The following KLHL29 variants were observed in gnomAD, a reference collection of about 807,000 sequenced individuals.
The protein encoded by KLHL29 is kelch like family member 29.
KLHL29 carries 21 observed loss-of-function variants against 80.4 expected under a neutral mutation model. The observed-to-expected ratio is 0.26, with a 90% confidence interval of 0.19 to 0.38. The LOEUF (loss-of-function observed/expected upper bound fraction) is 0.38, where lower values mean the gene tolerates loss of function less well. Ranked by LOEUF, KLHL29 falls within the 10% of genes least tolerant of loss-of-function variation. KLHL29 has a pLI of 1.00. For missense variants in KLHL29, 867 were observed against 1,223.9 expected (o/e 0.71, Z 4.35); for synonymous variants, 511 against 526.8 (o/e 0.97, Z 0.41).
chr2:23,489,539 C>T (rs1270601614), intron 2 of KLHL29, among the ~76,000 whole-genome samples: 1 of 152,136 alleles, frequency 6.6e-6, no homozygotes, highest in Non-Finnish European at 1.5e-5. Flanking sequence ...TGCGTACCTC[C>T]TGCCACGCTG....
chr2:23,393,651 T>G (rs995566762), intron 1 of KLHL29, among the ~76,000 whole-genome samples: 1 of 152,192 alleles, frequency 6.6e-6, no homozygotes, highest in Non-Finnish European at 1.5e-5. Flanking sequence ...TTATATTAGT[T>G]TTTTCTCGAG....
intron 5 of KLHL29, chr2:23,672,255 C>G (rs1033442392): frequency 1.3e-5 from 2 of 152,392 alleles, no homozygotes; most frequent in African/African-American, 2.4e-5. Flanking sequence ...TGGCCCAGAT[C>G]CCCCCATCTT....
intron 2 of KLHL29, among the ~76,000 whole-genome samples, chr2:23,479,648 A>G (rs1664733565): frequency 6.6e-6 from 1 of 152,266 alleles, no homozygotes; most frequent in Non-Finnish European, 1.5e-5. Flanking sequence ...CATGCGTAGC[A>G]GATCCCTGCT....
At chr2:23,602,187 A>C (rs1030016290) in intron 3 of KLHL29, among the ~76,000 whole-genome samples, 26 of 152,106 alleles carry the variant, frequency 1.7e-4, no homozygotes, top group African/African-American at 6.3e-4. Flanking sequence ...GGGCCTTTTC[A>C]TCCTAACACA....
intron 13 of KLHL29, among the ~76,000 whole-genome samples, chr2:23,704,101 T>C (rs759626527): frequency 2.0e-5 from 3 of 152,136 alleles, no homozygotes; most frequent in Non-Finnish European, 2.9e-5. Flanking sequence ...CCAGCAGAAA[T>C]GAACCATTTC....
chr2:23,642,518 A>G lies in KLHL29; in HGVS notation c.608A>G (p.His203Arg). ...VGPQLPLMPGHYSLPQPPSQP... is the reference protein window; with the variant it reads ...VGPQLPLMPGRYSLPQPPSQP... The stretch of plus-strand genomic sequence containing the variant: ...CCCCAGCTCCCGCTGATGCCAGGCC[A>G]CTACTCGCTCCCTCAGCCGCCCTCT... The change falls in exon 5 of 14, where the codon CAC (histidine) becomes CGC (arginine). Residue 203 changes from histidine (H) to arginine (R), a missense_variant. Around this residue, in one of 2 missense-constraint regions of KLHL29, gnomAD observed 424 missense variants for 456.9 expected, o/e 0.93. Transcript: ENST00000486442. The G allele has an allele frequency of 6.5e-7, 1 of 1,531,648 alleles. No homozygotes were observed. The highest frequency in any genetic ancestry group is 1.2e-5 in the South Asian group (1 of 82,586). 94.9% of individuals were successfully genotyped at this position (1,531,648 alleles called of 1,614,324 possible). A position where few individuals can be genotyped will look rare whatever the true frequency, so the allele number is the denominator to read the frequency against.
chr2:23,567,980 C>T (rs112826364), intron 3 of KLHL29, among the ~76,000 whole-genome samples: 28 of 152,156 alleles, frequency 1.8e-4, no homozygotes, highest in African/African-American at 6.5e-4. Flanking sequence ...TACCTTAAGT[C>T]GCAATTACAG....
chr2:23,522,120 C>T (rs1666123668), intron 2 of KLHL29, among the ~76,000 whole-genome samples: 2 of 152,044 alleles, frequency 1.3e-5, no homozygotes, highest in South Asian at 4.1e-4. Flanking sequence ...TGCCTGTGAA[C>T]ACCAAGCTTC....
chr2:23,484,398 G>T (rs1378102783), intron 2 of KLHL29, among the ~76,000 whole-genome samples: 1 of 152,186 alleles, frequency 6.6e-6, no homozygotes, highest in African/African-American at 2.4e-5. Flanking sequence ...GGCTCGTAAG[G>T]TAGCAGCAAC....
At chr2:23,387,975 G>A (rs759489054) in intron 1 of KLHL29, among the ~76,000 whole-genome samples, 12 of 151,998 alleles carry the variant, frequency 7.9e-5, no homozygotes, top group African/African-American at 2.2e-4. Flanking sequence ...TCGGTCTCTC[G>A]GTTATGGAAA....
chr2:23,533,105 T>C (rs904528444), intron 2 of KLHL29, among the ~76,000 whole-genome samples: 2 of 152,230 alleles, frequency 1.3e-5, no homozygotes, highest in South Asian at 2.1e-4. Flanking sequence ...TCTCTCAGTT[T>C]TTCCTGAGCA....
At chr2:23,663,162 C>G (rs951817558) in intron 5 of KLHL29, among the ~76,000 whole-genome samples, 8 of 152,236 alleles carry the variant, frequency 5.3e-5, no homozygotes, top group Admixed American at 5.2e-4. Flanking sequence ...CCCCCAAACC[C>G]CGCAGCTGAG....
intron 2 of KLHL29, among the ~76,000 whole-genome samples, chr2:23,558,204 C>T (rs912942375): frequency 2.0e-5 from 3 of 152,064 alleles, no homozygotes; most frequent in South Asian, 2.1e-4. Context: ...GAATACATAA[C>T]ATCCTCTCTG....
chr2:23,684,330 C>A lies in KLHL29; in HGVS notation c.941-69C>A. The A allele has an allele frequency of 1.7e-6, 2 of 1,205,820 alleles. No individual in the cohort carries two copies. Among genetic ancestry groups the A allele is most frequent in the Non-Finnish European group, 1.1e-6 (1 of 925,728 alleles). The allele number at this position is 1,205,820 out of a possible 1,614,324, so 74.7% of individuals were successfully genotyped here. Reference sequence around the variant, plus strand: ...CTACTTCTTGAAAAAAGAAAAAAAACTTTTTTTAATTAAAAAAAAAAAAAC... The same window carrying A: ...CTACTTCTTGAAAAAAGAAAAAAAAATTTTTTTAATTAAAAAAAAAAAAAC... On this transcript the variant is annotated intron_variant, in intron 5 of 13. Coordinates refer to ENST00000486442, the MANE Select transcript of KLHL29 (RefSeq NM_052920.2). The surrounding 1 kb of genome is among the most constrained non-coding windows in gnomAD (Gnocchi z 4.4).
intron 5 of KLHL29, among the ~76,000 whole-genome samples, chr2:23,644,897 A>G (rs928532647): frequency 6.6e-5 from 10 of 152,232 alleles, no homozygotes; most frequent in African/African-American, 2.4e-4. Context: ...CTGGTGAGCC[A>G]GCGGGACCCA....
chr2:23,390,616 A>G (rs1666295284), intron 1 of KLHL29, among the ~76,000 whole-genome samples: 1 of 149,446 alleles, frequency 6.7e-6, no homozygotes, highest in African/African-American at 2.5e-5. Context: ...TGTTTAAACC[A>G]TGGTTTAAAA....
intron 2 of KLHL29, chr2:23,524,389 G>A: frequency 6.1e-6 from 1 of 163,416 alleles, no homozygotes; most frequent in Non-Finnish European, 1.3e-5. Context: ...TCCTGCCCCG[G>A]GCTCCCGGGA....
At chr2:23,534,418 C>T (rs1157795119) in intron 2 of KLHL29, among the ~76,000 whole-genome samples, 1 of 152,162 alleles carries the variant, frequency 6.6e-6, no homozygotes, top group African/African-American at 2.4e-5. Context: ...GTCTTCCCAG[C>T]GTGGAATTTT....
chr2:23,426,340 A>G (rs1191248404), intron 1 of KLHL29, among the ~76,000 whole-genome samples: 2 of 152,176 alleles, frequency 1.3e-5, no homozygotes, highest in South Asian at 2.1e-4. Flanking sequence ...TTATGGAATC[A>G]TTGACTCATG....
Sources: allele counts gnomAD v4.1 joint callset (sites outside exome capture counted in the v4.1 genomes callset), GRCh38; gene constraint gnomAD v4.1.1; regional missense constraint gnomAD v4.1.1; non-coding constraint Gnocchi (gnomAD v3.1); transcripts MANE v1.5; gene names NCBI Gene and HGNC (gene_info 2026-07-23, HGNC 2026-07-21).